The following TCF7L2 variants were observed in gnomAD, a reference collection of about 807,000 sequenced individuals.
TCF7L2 encodes the protein transcription factor 7-like 2.
A neutral mutation model predicts 77.9 loss-of-function variants in TCF7L2; 23 were observed. That is an observed-to-expected ratio of 0.30 (90% CI 0.21 to 0.42). The LOEUF is 0.42. Ranked by LOEUF, TCF7L2 falls within the 10% of genes least tolerant of loss-of-function variation. The pLI, the probability that TCF7L2 is intolerant of heterozygous loss-of-function variation, is 1.00. For missense variants in TCF7L2, 654 were observed against 793.1 expected (o/e 0.82, Z 2.11); for synonymous variants, 413 against 340.2 (o/e 1.21, Z -2.36).
chr10:112,968,660 C>T (rs1252506680), intron 4 of TCF7L2, among the ~76,000 whole-genome samples: 1 of 152,054 alleles, frequency 6.6e-6, no homozygotes, highest in Non-Finnish European at 1.5e-5. Context: ...CTCACTGCAA[C>T]CTCCGCCTCC....
intron 5 of TCF7L2, among the ~76,000 whole-genome samples, chr10:113,083,663 T>C (rs2059546347): frequency 6.6e-6 from 1 of 152,234 alleles, no homozygotes; most frequent in South Asian, 2.1e-4. Flanking sequence ...TTGGCTGGTT[T>C]GGATGGTTGC....
chr10:113,100,240 G>A (rs1405462565), intron 5 of TCF7L2, among the ~76,000 whole-genome samples: 1 of 152,180 alleles, frequency 6.6e-6, no homozygotes, highest in Non-Finnish European at 1.5e-5. Context: ...GAAGAAGAAC[G>A]AAGTAGCCAG....
intron 5 of TCF7L2, among the ~76,000 whole-genome samples, chr10:113,099,163 CAAGCTAATTCCAACAGTGGCCA>C (rs11273814): frequency 0.25 from 37,297 of 152,058 alleles, 5,500 homozygotes; most frequent in Non-Finnish European, 0.32. Flanking sequence ...TATGAGAATT[CAAGCTAATTCCAACAGTGGCCA>C]AAGAAAAAAA....
chr10:113,030,624 G>T (rs1054761063), intron 4 of TCF7L2, among the ~76,000 whole-genome samples: 7 of 152,202 alleles, frequency 4.6e-5, no homozygotes, highest in Admixed American at 2.6e-4. Flanking sequence ...TTAGTGGGAG[G>T]TTCTTCCAGG....
chr10:112,970,496 CT>C (rs1437527135), intron 4 of TCF7L2, among the ~76,000 whole-genome samples: 1 of 151,650 alleles, frequency 6.6e-6, no homozygotes, highest in African/African-American at 2.4e-5. Flanking sequence ...CCACTTATTC[CT>C]GGATGTGAAC....
chr10:113,125,658 G>A (rs1457026662), intron 5 of TCF7L2: 1 of 152,152 alleles, frequency 6.6e-6, no homozygotes, highest in East Asian at 1.9e-4. Context: ...TGCTAATTTT[G>A]ATGCAGTAGT....
rs150773969 is a variant in TCF7L2 at position 112,974,734 on chromosome 10, C to T, written c.450+10110C>T. On this transcript the variant is annotated intron_variant, in intron 4 of 13. Coordinates refer to ENST00000627217, the MANE Select transcript of TCF7L2 (RefSeq NM_001146274.2). ...CTGGGATTACAGGCATGAACCACCG[C>T]GCCCGGCTGTCTGCTGGTATTTTCT... 5.6e-3 allele frequency among the ~76,000 whole-genome samples: 850 copies of T among 152,220 alleles called. 25 individuals are homozygous for T. The East Asian group carries it at 0.075, about 13-fold the overall frequency.
chr10:113,129,826 G>GT (rs896259582), intron 5 of TCF7L2: 1 of 1,289,262 alleles, frequency 7.8e-7, no homozygotes, highest in African/African-American at 1.5e-5. Flanking sequence ...TACAGAGAAA[G>GT]TTTTTTTAGA....
intron 4 of TCF7L2, among the ~76,000 whole-genome samples, chr10:113,005,800 T>C (rs996478317): frequency 1.3e-5 from 2 of 152,126 alleles, no homozygotes; most frequent in African/African-American, 4.8e-5. Context: ...AAAAAAATAC[T>C]CTTGAGTGGT....
chr10:113,074,573 A>C (rs141434976), intron 5 of TCF7L2, among the ~76,000 whole-genome samples: 3 of 152,108 alleles, frequency 2.0e-5, no homozygotes, highest in Admixed American at 2.0e-4. Context: ...ACGGCTGCAC[A>C]CTCATCACTG....
chr10:112,986,239 G>A (rs986154869), intron 4 of TCF7L2, among the ~76,000 whole-genome samples: 1 of 152,062 alleles, frequency 6.6e-6, no homozygotes, highest in African/African-American at 2.4e-5. Context: ...TGCATGGGGG[G>A]AGTGAGTCAG....
At chr10:113,079,387 A>G (rs536199689) in intron 5 of TCF7L2, among the ~76,000 whole-genome samples, 211 of 152,322 alleles carry the variant, frequency 1.4e-3, no homozygotes, top group African/African-American at 4.8e-3. Flanking sequence ...AGCCCGGGCC[A>G]GCAGCTTTAT....
Position 113,040,030 on chromosome 10 carries a change from C to A in TCF7L2, c.456C>A (p.Leu152=), listed in dbSNP as rs771186189. Residue 152 remains leucine, a synonymous_variant, in exon 5 of 14, where the codon CTC becomes CTA. Transcript: ENST00000627217. ...CTTTTGTTTCCTCTCGCCAGTATCT[C>A]CAGATGAAATGGCCACTGCTTGATG... 3.1e-6 allele frequency: 5 copies of A among 1,613,458 alleles called. No homozygotes were observed. In the East Asian group the frequency reaches 1.1e-4, roughly 36 times the overall value.
In TCF7L2 at chr10:113,095,021, G is replaced by A. The variant is rs186179476; in HGVS notation, c.553-46163G>A. ...CTCGGGAGGCTGAGACAGGAGAATC[G>A]CTTGAACCTGGGAGGCAGAGATTGC... is the stretch of plus-strand genomic sequence containing the variant. On this transcript the variant is annotated intron_variant, in intron 5 of 13. Coordinates refer to ENST00000627217, the MANE Select transcript of TCF7L2 (RefSeq NM_001146274.2). Among the ~76,000 whole-genome samples, 7 of 152,296 alleles carry A rather than the reference G, an allele frequency of 4.6e-5. No individual in the cohort carries two copies. The East Asian group carries it at 1.4e-3, about 29-fold the overall frequency.
intron 5 of TCF7L2, among the ~76,000 whole-genome samples, chr10:113,110,534 T>C (rs533245166): frequency 3.3e-5 from 5 of 152,280 alleles, no homozygotes; most frequent in African/African-American, 1.2e-4. Flanking sequence ...ACACATGTCT[T>C]TGGTAAAGGA....
At chr10:113,122,028 C>T (rs949441437) in intron 5 of TCF7L2, among the ~76,000 whole-genome samples, 7 of 152,146 alleles carry the variant, frequency 4.6e-5, no homozygotes, top group Non-Finnish European at 7.4e-5. Context: ...TTCTATTAGT[C>T]GAGCACATTT....
At chr10:112,982,522 T>G (rs759767679) in intron 4 of TCF7L2, among the ~76,000 whole-genome samples, 3 of 152,210 alleles carry the variant, frequency 2.0e-5, no homozygotes, top group Admixed American at 6.5e-5. Flanking sequence ...TGATATATTG[T>G]GGCGCATATC....
intron 5 of TCF7L2, among the ~76,000 whole-genome samples, chr10:113,048,286 G>A (rs1029658209): frequency 1.3e-5 from 2 of 152,142 alleles, no homozygotes; most frequent in African/African-American, 4.8e-5. Flanking sequence ...TTGGCACCCA[G>A]CCTGTCCTGC....
At chr10:113,152,741 G>A (rs900975387) in intron 11 of TCF7L2, among the ~76,000 whole-genome samples, 5 of 152,204 alleles carry the variant, frequency 3.3e-5, no homozygotes, top group South Asian at 2.1e-4. Flanking sequence ...GAGGAGGCAA[G>A]GCTCTTAGGA....
Sources: allele counts gnomAD v4.1 joint callset (sites outside exome capture counted in the v4.1 genomes callset), GRCh38; gene constraint gnomAD v4.1.1; transcripts MANE v1.5; gene names NCBI Gene and HGNC (gene_info 2026-07-23, HGNC 2026-07-21).